Variants in DHRS4L2 observed in about 807,000 individuals in gnomAD.
The protein encoded by DHRS4L2 is dehydrogenase/reductase SDR family member 4-like 2.
A neutral mutation model predicts 23.9 loss-of-function variants in DHRS4L2; 22 were observed. The observed-to-expected ratio is 0.92, with a 90% CI of 0.66 to 1.31. The LOEUF is 1.31. Among genes scored for constraint, DHRS4L2 ranks in the 40% most tolerant of loss-of-function variants. DHRS4L2 has a pLI of 0.00. For synonymous variants in DHRS4L2, 141 were observed against 123.7 expected, an observed-to-expected ratio of 1.14 and a Z score of -0.93; for missense variants, 385 against 303.3, an observed-to-expected ratio of 1.27 and a Z score of -2.00.
At chr14:23,976,577 C>G (rs937577868) in intron 1 of DHRS4L2, among the ~76,000 whole-genome samples, 1 of 151,626 alleles carries the variant, frequency 6.6e-6, no homozygotes, top group Admixed American at 6.6e-5. Context: ...CCAGAAATAC[C>G]AATTGATCCA....
chr14:23,999,367 A>AAACAAAAC (rs1555330043), intron 3 of DHRS4L2, among the ~76,000 whole-genome samples: 1 of 116,774 alleles, frequency 8.6e-6, no homozygotes, highest in South Asian at 3.2e-4. Flanking sequence ...AAAAAAAAAA[A>AAACAAAAC]AAAAAAACAA....
chr14:23,992,494 T>C (rs1331022677), intron 2 of DHRS4L2, among the ~76,000 whole-genome samples: 2 of 151,388 alleles, frequency 1.3e-5, no homozygotes, highest in African/African-American at 4.9e-5. Flanking sequence ...TGAGAATGGA[T>C]ACTACCCAGT....
At chr14:23,994,133 G>A (rs1429172971) in intron 2 of DHRS4L2, among the ~76,000 whole-genome samples, 1 of 151,762 alleles carries the variant, frequency 6.6e-6, no homozygotes, top group African/African-American at 2.4e-5. Context: ...ACTTTCTTCA[G>A]CTCTATTTAA....
intron 1 of DHRS4L2, among the ~76,000 whole-genome samples, chr14:23,973,267 G>A (rs1292484221): frequency 1.3e-5 from 2 of 151,932 alleles, no homozygotes; most frequent in East Asian, 3.9e-4. Flanking sequence ...AGGTCCCTGT[G>A]GCTTTCTGCA....
At position 23,990,188 on chromosome 14, in the gene DHRS4L2, C is replaced by G; in HGVS notation, c.135C>G (p.Gly45=). ...ALVTASTDGI[G]FAIARRLAQD... is the part of the protein sequence containing the mutation. ...TGTCTCTTTCTGCTCACAGGATCGG[C>G]TTCGCCATCGCCCGGCGTTTGGCCC... Residue 45 remains glycine, a synonymous_variant, in exon 2 of 8, where the codon GGC becomes GGG. Transcript: ENST00000335125. 1 of 1,612,786 alleles carries G rather than the reference C, an allele frequency of 6.2e-7. No homozygotes were observed. The highest frequency in any genetic ancestry group is 8.5e-7 in the Non-Finnish European group (1 of 1,179,332).
upstream of DHRS4L2, among the ~76,000 whole-genome samples, chr14:23,985,311 A>G (rs1287851732): frequency 3.3e-5 from 5 of 151,688 alleles, no homozygotes; most frequent in South Asian, 8.3e-4. Context: ...ATTTCTAAAA[A>G]GCACTTAACA....
At chr14:23,993,464 C>G (rs61674463) in intron 2 of DHRS4L2, among the ~76,000 whole-genome samples, 17,810 of 150,788 alleles carry the variant, frequency 0.12, 1,400 homozygotes, top group East Asian at 0.25. Context: ...ACACCCCTCT[C>G]TGTGCCAAAT....
chr14:24,000,969 A>C (rs772930070), intron 4 of DHRS4L2, 36 bp downstream of exon 4: 16 of 1,611,148 alleles, frequency 9.9e-6, no homozygotes, highest in Middle Eastern at 3.3e-4. Flanking sequence ...GTGAGAGGGG[A>C]CCCCACACAG....
intron 1 of DHRS4L2, among the ~76,000 whole-genome samples, chr14:23,975,510 G>A (rs934814409): frequency 1.3e-4 from 20 of 151,852 alleles, no homozygotes; most frequent in African/African-American, 4.6e-4. Flanking sequence ...ATTGCCCAAA[G>A]TAAATTATAG....
Position 24,006,272 on chromosome 14 carries a change from T to G in DHRS4L2, c.*409T>G. ...GTCTACCTTGGCAAAGACCAAGATA[T>G]TTTTTCCTGGGCCACTGGGGAATCT... On this transcript the variant is annotated 3_prime_UTR_variant, in exon 8 of 8. Coordinates refer to ENST00000335125, the MANE Select transcript of DHRS4L2 (RefSeq NM_198083.4). The G allele has an allele frequency of 4.2e-6, 2 of 477,786 alleles. No individual in the cohort carries two copies. Among genetic ancestry groups the G allele is most frequent in the Non-Finnish European group, 3.4e-6 (1 of 296,386 alleles). 29.6% of individuals were successfully genotyped at this position (477,786 alleles called of 1,614,324 possible).
intron 3 of DHRS4L2, among the ~76,000 whole-genome samples, chr14:23,996,711 G>C (rs959493596): frequency 6.9e-6 from 1 of 145,234 alleles, no homozygotes; most frequent in Non-Finnish European, 1.5e-5. Context: ...TGTGATCTCA[G>C]CTCACTGCAA....
chr14:23,988,978 G>C lies in DHRS4L2; in HGVS notation c.31G>C (p.Ala11Pro), dbSNP rs1566493416. 3.1e-6 allele frequency: 5 copies of C among 1,612,010 alleles called. No individual in the cohort carries two copies. Among genetic ancestry groups the C allele is most frequent in the South Asian group, 1.1e-5 (1 of 90,714 alleles). MQMARLLGLC[A>P]WARKSVRMAS... ...GATGGCCAGGCTGCTAGGCCTCTGT[G>C]CCTGGGCACGGAAGTCGGTGCGGAT... The change falls in exon 1 of 8, where the codon GCC becomes CCC. Residue 11 changes from alanine to proline, a missense_variant. By Grantham distance (27) the Ala-to-Pro change is conservative. Coordinates refer to ENST00000335125, the MANE Select transcript of DHRS4L2 (RefSeq NM_198083.4).
intron 1 of DHRS4L2, among the ~76,000 whole-genome samples, chr14:23,975,363 C>T (rs1441901315): frequency 1.3e-5 from 2 of 151,590 alleles, no homozygotes; most frequent in Non-Finnish European, 2.9e-5. Context: ...CCTAGAAATC[C>T]AACTTACAAG....
chr14:23,996,161 G>C (rs2034378586), intron 3 of DHRS4L2, among the ~76,000 whole-genome samples: 2 of 151,640 alleles, frequency 1.3e-5, no homozygotes, highest in South Asian at 4.2e-4. Context: ...TTGCCACAGG[G>C]AGGGCACCAA....
At chr14:23,991,822 C>T (rs1198143644) in intron 2 of DHRS4L2, among the ~76,000 whole-genome samples, 11 of 150,628 alleles carry the variant, frequency 7.3e-5, no homozygotes, top group African/African-American at 2.0e-4. Context: ...CTGCAACCTA[C>T]GCCTCCAGGT....
At chr14:23,994,216 G>C (rs2034329582) in intron 2 of DHRS4L2, among the ~76,000 whole-genome samples, 1 of 151,710 alleles carries the variant, frequency 6.6e-6, no homozygotes, top group Non-Finnish European at 1.5e-5. Flanking sequence ...GGGAGAACTG[G>C]ACAGTAAGCA....
chr14:23,995,011 A>G (rs2034350184), intron 2 of DHRS4L2, 21 bp from the exon 3 acceptor site: 1 of 1,612,366 alleles, frequency 6.2e-7, no homozygotes, highest in African/African-American at 1.3e-5. Flanking sequence ...GCCCTGGTCC[A>G]GACCTTACCC....
chr14:23,995,165 G>T lies in DHRS4L2; in HGVS notation c.408+32G>T, dbSNP rs61999854. On this transcript the variant is annotated intron_variant, in intron 3 of 7. Transcript: ENST00000335125. ...GGGGATTAAAGAAGCGCGGAAGGGGGCCTCGGGACACATTCAGCACAAACT... is the reference window on the plus strand; with the variant it reads ...GGGGATTAAAGAAGCGCGGAAGGGGTCCTCGGGACACATTCAGCACAAACT... The T allele has an allele frequency of 1.0e-4, 163 of 1,606,156 alleles. 3 individuals carry two copies. The highest frequency in any genetic ancestry group is 1.3e-4 in the Non-Finnish European group (155 of 1,173,700).
chr14:23,993,920 C>T (rs562148352), intron 2 of DHRS4L2, among the ~76,000 whole-genome samples: 1 of 151,798 alleles, frequency 6.6e-6, no homozygotes, highest in African/African-American at 2.4e-5. Flanking sequence ...ACTGACCTCA[C>T]TTCTTCCACT....
Sources: allele counts gnomAD v4.1 joint callset (sites outside exome capture counted in the v4.1 genomes callset), GRCh38; gene constraint gnomAD v4.1.1; transcripts MANE v1.5; gene names NCBI Gene and HGNC (gene_info 2026-07-23, HGNC 2026-07-21).